The following RALYL variants were observed in gnomAD, a reference collection of about 807,000 sequenced individuals.
RALYL encodes RNA-binding Raly-like protein.
In RALYL, 29 loss-of-function variants were observed where a neutral mutation model predicts 35.1. The observed-to-expected ratio is 0.83, with a 90% confidence interval of 0.61 to 1.13. The LOEUF is 1.13. RALYL is among the 50% of genes most tolerant of loss of function. The pLI is 0.00. For synonymous variants in RALYL, 120 were observed against 127.6 expected (o/e 0.94, Z 0.40); for missense variants, 359 against 360.4 (o/e 1.00, Z 0.03).
chr8:84,511,732 C>T (rs2057639961), intron 1 of RALYL, among the ~76,000 whole-genome samples: 1 of 152,112 alleles, frequency 6.6e-6, no homozygotes, highest in Admixed American at 6.6e-5. Flanking sequence ...TTCCTAGTCC[C>T]TGGTAAGTAT....
At chr8:84,345,916 C>T (rs1427905273) in intron 1 of RALYL, among the ~76,000 whole-genome samples, 1 of 152,018 alleles carries the variant, frequency 6.6e-6, no homozygotes, top group Admixed American at 6.6e-5. Context: ...TTCCAAGTTG[C>T]TTTTTACTAT....
chr8:84,286,890 C>T (rs1416300107), intron 1 of RALYL, among the ~76,000 whole-genome samples: 1 of 152,112 alleles, frequency 6.6e-6, no homozygotes, highest in African/African-American at 2.4e-5. Context: ...TCAGATCCTC[C>T]TTATCTGAGG....
chr8:84,617,381 T>C (rs1161875400), intron 2 of RALYL, among the ~76,000 whole-genome samples: 1 of 149,800 alleles, frequency 6.7e-6, no homozygotes, highest in Non-Finnish European at 1.5e-5. Context: ...ACTCATGATT[T>C]GGCTCTCTGT....
At chr8:84,485,905 C>T (rs1371344567) in intron 1 of RALYL, among the ~76,000 whole-genome samples, 1 of 151,918 alleles carries the variant, frequency 6.6e-6, no homozygotes, top group Non-Finnish European at 1.5e-5. Context: ...TACTGTTGTT[C>T]TCCCACAATT....
intron 1 of RALYL, among the ~76,000 whole-genome samples, chr8:84,492,266 C>T (rs2055408389): frequency 6.6e-6 from 1 of 152,076 alleles, no homozygotes; most frequent in African/African-American, 2.4e-5. Flanking sequence ...CAAACCAGAA[C>T]ACCAATCCCT....
intron 4 of RALYL, among the ~76,000 whole-genome samples, chr8:84,845,132 A>T (rs1053499449): frequency 1.3e-5 from 2 of 152,196 alleles, no homozygotes; most frequent in Non-Finnish European, 1.5e-5. Context: ...AAAATTAAAA[A>T]AAATAAAAAA....
chr8:84,875,014 A>C (rs556524513), intron 7 of RALYL, among the ~76,000 whole-genome samples: 2 of 150,532 alleles, frequency 1.3e-5, no homozygotes, highest in South Asian at 4.2e-4. Flanking sequence ...GATAGACTAA[A>C]TGGAATCTTT....
chr8:84,395,617 C>T (rs1247065853), intron 1 of RALYL, among the ~76,000 whole-genome samples: 1 of 151,838 alleles, frequency 6.6e-6, no homozygotes, highest in Non-Finnish European at 1.5e-5. Context: ...TAACATTTGG[C>T]ACATTACGTA....
chr8:84,759,718 T>C (rs1007932950), intron 2 of RALYL, among the ~76,000 whole-genome samples: 1 of 152,208 alleles, frequency 6.6e-6, no homozygotes, highest in Admixed American at 6.5e-5. Context: ...GGAAATAATA[T>C]TGATGTTGCA....
intron 8 of RALYL, among the ~76,000 whole-genome samples, chr8:84,913,320 T>C (rs774254682): frequency 3.3e-5 from 5 of 151,980 alleles, no homozygotes; most frequent in Admixed American, 6.6e-5. Context: ...AATCTGATTA[T>C]AAAGGAAAAA....
At chr8:84,400,272 T>C (rs2042755486) in intron 1 of RALYL, among the ~76,000 whole-genome samples, 1 of 152,198 alleles carries the variant, frequency 6.6e-6, no homozygotes, top group East Asian at 1.9e-4. Flanking sequence ...AGTCTGAGGG[T>C]AATCTTATAC....
chr8:84,554,952 T>C (rs1178057245), intron 2 of RALYL, among the ~76,000 whole-genome samples: 1 of 152,140 alleles, frequency 6.6e-6, no homozygotes, highest in East Asian at 1.9e-4. Context: ...CATAACTCTT[T>C]TTTTACCTTT....
chr8:84,587,989 A>G (rs1231966006), intron 2 of RALYL, among the ~76,000 whole-genome samples: 3 of 152,132 alleles, frequency 2.0e-5, no homozygotes, highest in Non-Finnish European at 4.4e-5. Context: ...GTATGATGGC[A>G]TTTCATATTT....
chr8:84,199,122 A>G (rs1816193270), intron 1 of RALYL, among the ~76,000 whole-genome samples: 3 of 152,140 alleles, frequency 2.0e-5, no homozygotes, highest in Admixed American at 2.0e-4. Flanking sequence ...ACAGTATACA[A>G]GGGTTCCCTT....
rs1859386965 is a variant in RALYL, at chr8:84,387,095, C to A, written c.-23-142204C>A. ...TATAAAATAAATATAATAATAGCTA[C>A]CTTGTAGATTTATTGGAAGGATTAG... On this transcript the variant is annotated intron_variant, in intron 1 of 8. Coordinates refer to ENST00000521268, the MANE Select transcript of RALYL (RefSeq NM_173848.7). 2.0e-5 allele frequency among the ~76,000 whole-genome samples: 3 copies of A among 151,770 alleles called. No homozygotes were observed. In the South Asian group the frequency reaches 6.2e-4, roughly 31 times the overall value.
intron 2 of RALYL, among the ~76,000 whole-genome samples, chr8:84,736,501 T>C (rs1372285619): frequency 1.3e-5 from 2 of 152,040 alleles, no homozygotes; most frequent in African/African-American, 2.4e-5. Flanking sequence ...AAGCTACACA[T>C]GCAAAATATG....
At chr8:84,708,370 C>A (rs1486798074) in intron 2 of RALYL, among the ~76,000 whole-genome samples, 1 of 152,014 alleles carries the variant, frequency 6.6e-6, no homozygotes, top group Admixed American at 6.6e-5. Flanking sequence ...GGGAAGAGTG[C>A]CCATTGCCTT....
chr8:84,394,689 T>C (rs1253665170), intron 1 of RALYL, among the ~76,000 whole-genome samples: 1 of 152,002 alleles, frequency 6.6e-6, no homozygotes, highest in Non-Finnish European at 1.5e-5. Flanking sequence ...TCACTGGTGA[T>C]AAACCCATGA....
chr8:84,729,485 A>C (rs1468943164), intron 2 of RALYL, among the ~76,000 whole-genome samples: 1 of 152,092 alleles, frequency 6.6e-6, no homozygotes, highest in East Asian at 1.9e-4. Flanking sequence ...TAGAAAAGCA[A>C]GAGCAAACAC....
Sources: gnomAD v4.1 joint callset for allele counts (sites outside exome capture counted in the v4.1 genomes callset) on GRCh38, gnomAD v4.1.1 for gene constraint, MANE v1.5 for transcripts, NCBI Gene and HGNC (gene_info 2026-07-23, HGNC 2026-07-21) for gene names.